ADCK1: variants seen among roughly 807,000 people sequenced by gnomAD.
ADCK1 encodes the protein aarF domain containing kinase 1.
A neutral mutation model predicts 52.3 loss-of-function variants in ADCK1; 41 were observed. The observed-to-expected ratio is 0.78, with a 90% confidence interval of 0.61 to 1.02. The LOEUF (loss-of-function observed/expected upper bound fraction) is 1.02, where lower values mean the gene tolerates loss of function less well. Ranked by LOEUF, ADCK1 falls within the 50% of genes least tolerant of loss-of-function variation. The pLI is 0.00. For missense variants in ADCK1, 658 were observed against 679.5 expected, an observed-to-expected ratio of 0.97 and a Z score of 0.35; for synonymous variants, 250 against 274.6, an observed-to-expected ratio of 0.91 and a Z score of 0.89.
intron 4 of ADCK1, among the ~76,000 whole-genome samples, chr14:77,865,852 A>G (rs1396507043): frequency 3.9e-5 from 6 of 152,236 alleles, no homozygotes; most frequent in African/African-American, 1.4e-4. Context: ...TGGAGCATCT[A>G]GTGCAAGCTT....
intron 3 of ADCK1, among the ~76,000 whole-genome samples, chr14:77,841,483 A>C (rs17752950): frequency 0.12 from 17,708 of 151,924 alleles, 1,076 homozygotes; most frequent in Middle Eastern, 0.14. Context: ...ATGTAATTAA[A>C]AAGTGTGGAG....
At chr14:77,880,517 T>C (rs1241338295) in intron 4 of ADCK1, among the ~76,000 whole-genome samples, 1 of 152,236 alleles carries the variant, frequency 6.6e-6, no homozygotes, top group Non-Finnish European at 1.5e-5. Flanking sequence ...TTATTATTTT[T>C]ATTATAATAA....
intron 6 of ADCK1, chr14:77,900,510 C>G (rs1251304146): frequency 2.3e-6 from 1 of 436,542 alleles, no homozygotes; most frequent in East Asian, 7.1e-5. Context: ...TCGCTTGGAC[C>G]CAGGAGGCAG....
At chr14:77,875,164 A>G (rs1486849998) in intron 4 of ADCK1, among the ~76,000 whole-genome samples, 2 of 152,120 alleles carry the variant, frequency 1.3e-5, no homozygotes, top group Non-Finnish European at 2.9e-5. Context: ...GCTTGGACAT[A>G]GGGAAGTGGA....
chr14:77,845,449 G>A (rs2082155607), intron 3 of ADCK1, among the ~76,000 whole-genome samples: 2 of 151,978 alleles, frequency 1.3e-5, no homozygotes, highest in African/African-American at 2.4e-5. Context: ...TTGAGACTGG[G>A]TCTTGCTCTG....
At chr14:77,858,921 G>C (rs2082481217) in intron 3 of ADCK1, among the ~76,000 whole-genome samples, 155 bp from the exon 4 acceptor site, 1 of 152,118 alleles carries the variant, frequency 6.6e-6, no homozygotes, top group Non-Finnish European at 1.5e-5. Context: ...GGACACCAAG[G>C]GAAAAGGTGT....
chr14:77,892,089 GC>G lies in ADCK1; in HGVS notation c.582+4843del, dbSNP rs949281430. On this transcript the variant is annotated intron_variant, in intron 5 of 10. Transcript: ENST00000238561. ...TTCATGCCAACTCCAGGTGTGGTGT[GC>G]CCTTATGCTTCTCTCCCACTGTTGT... Among the ~76,000 whole-genome samples, 4 of 152,138 alleles carry G rather than the reference GC, an allele frequency of 2.6e-5. 1 individual carries two copies. Among genetic ancestry groups the G allele is most frequent in the Non-Finnish European group, 2.9e-5 (2 of 68,022 alleles).
rs1210171543 is a variant in ADCK1, at chr14:77,901,549, C to G, written c.741+2291C>G. Among the ~76,000 whole-genome samples, 13 of 151,988 alleles carry G rather than the reference C, an allele frequency of 8.6e-5. No homozygotes were observed. In the East Asian group the frequency reaches 2.5e-3, roughly 30 times the overall value. On this transcript the variant is annotated intron_variant, in intron 6 of 10. Transcript: ENST00000238561. ...GGACTACAGGTGTGTGCCACCACAC[C>G]TGGCTAATTTTTGTATTTTTAGTAG... is the stretch of plus-strand genomic sequence containing the variant.
At chr14:77,853,215 T>G (rs2364745) in intron 3 of ADCK1, among the ~76,000 whole-genome samples, 100,710 of 151,546 alleles carry the variant, frequency 0.66, 34,367 homozygotes, top group Middle Eastern at 0.83. Context: ...TGCCTCCTGG[T>G]CTCAAGCAAT....
chr14:77,800,706 A>G (rs544545395), intron 1 of ADCK1, among the ~76,000 whole-genome samples: 4 of 152,246 alleles, frequency 2.6e-5, no homozygotes, highest in Non-Finnish European at 5.9e-5. Flanking sequence ...ATCACACAGT[A>G]GATATGTGCT....
chr14:77,896,783 G>A (rs2083419458), intron 5 of ADCK1, among the ~76,000 whole-genome samples: 1 of 152,174 alleles, frequency 6.6e-6, no homozygotes, highest in East Asian at 1.9e-4. Flanking sequence ...ATTATCATAA[G>A]GTCACAGGTC....
intron 4 of ADCK1, among the ~76,000 whole-genome samples, chr14:77,880,577 G>T (rs2083001052): frequency 6.6e-6 from 1 of 152,206 alleles, no homozygotes; most frequent in Non-Finnish European, 1.5e-5. Flanking sequence ...CCTTGAGGCA[G>T]AGCAGCTGTT....
chr14:77,838,489 C>T (rs1281471563), intron 3 of ADCK1, among the ~76,000 whole-genome samples: 1 of 152,116 alleles, frequency 6.6e-6, no homozygotes, highest in Non-Finnish European at 1.5e-5. Flanking sequence ...CTGGACTTCC[C>T]AGGCTCAGGT....
chr14:77,868,656 T>C (rs1164846926), intron 4 of ADCK1, among the ~76,000 whole-genome samples: 1 of 152,210 alleles, frequency 6.6e-6, no homozygotes, highest in Non-Finnish European at 1.5e-5. Context: ...CCAAGCCCTC[T>C]GATCGGCTGG....
intron 3 of ADCK1, among the ~76,000 whole-genome samples, chr14:77,833,663 T>C (rs2081903682): frequency 6.6e-6 from 1 of 152,034 alleles, no homozygotes; most frequent in African/African-American, 2.4e-5. Flanking sequence ...TCTGTAGGAG[T>C]AGGTTCTTGA....
intron 3 of ADCK1, among the ~76,000 whole-genome samples, chr14:77,852,908 T>TATATATATA (rs56338375): frequency 1.2e-3 from 27 of 23,432 alleles, no homozygotes; most frequent in Admixed American, 2.8e-3. Context: ...TATATATATA[T>TATATATATA]TTTTTTTTTT....
Position 77,899,228 on chromosome 14 carries a change from C to T in ADCK1, c.711C>T (p.Ser237=), listed in dbSNP as rs778054059. 81 of 1,613,956 alleles carry T rather than the reference C, an allele frequency of 5.0e-5. No homozygotes were observed. Among genetic ancestry groups the T allele is most frequent in the Non-Finnish European group, 6.6e-5 (78 of 1,180,002 alleles). ...AAGGGAGGAATGCTGAGAAGGTGTC[C>T]CAGATGCTCAGGCATTTTGACTTCT... ...LNEGRNAEKV[S]QMLRHFDFLK... Residue 237 remains serine (S), a synonymous_variant, in exon 6 of 11, where the codon TCC becomes TCT. Coordinates refer to ENST00000238561, the MANE Select transcript of ADCK1 (RefSeq NM_020421.4).
chr14:77,827,936 C>T, intron 3 of ADCK1: 2 of 355,862 alleles, frequency 5.6e-6, no homozygotes, highest in South Asian at 4.0e-5. Context: ...TCAAGTGATT[C>T]TCCTGCCTCA....
chr14:77,925,621 G>A, intron 8 of ADCK1, 143 bp from the exon 9 acceptor site: 1 of 787,598 alleles, frequency 1.3e-6, no homozygotes, highest in East Asian at 2.7e-5. Flanking sequence ...CTTCAGGGAT[G>A]GCAGAGCTCT....
Sources: gnomAD v4.1 joint callset for allele counts (sites outside exome capture counted in the v4.1 genomes callset) on GRCh38, gnomAD v4.1.1 for gene constraint, MANE v1.5 for transcripts, NCBI Gene and HGNC (gene_info 2026-07-23, HGNC 2026-07-21) for gene names.